VAV2: variants seen among roughly 807,000 people sequenced by gnomAD.
The protein encoded by VAV2 is vav guanine nucleotide exchange factor 2, also known as guanine nucleotide exchange factor VAV2.
VAV2 carries 67 observed loss-of-function variants against 132.5 expected under a neutral mutation model. That is an observed-to-expected ratio of 0.51 (90% CI 0.42 to 0.62). VAV2 has a LOEUF of 0.62. Among genes scored for constraint, VAV2 ranks in the 20% least tolerant of loss-of-function variants. VAV2 has a pLI of 0.00. For missense variants in VAV2, 938 were observed against 1,153.6 expected (o/e 0.81, Z 2.71); for synonymous variants, 492 against 443.5 (o/e 1.11, Z -1.37).
intron 19 of VAV2, among the ~76,000 whole-genome samples, chr9:133,782,796 G>A (rs1407597833): frequency 6.6e-6 from 1 of 152,238 alleles, no homozygotes; most frequent in African/African-American, 2.4e-5. Flanking sequence ...GGCTGATGAT[G>A]GAGGTGACAT....
chr9:133,814,897 C>G (rs1042396269), intron 4 of VAV2, among the ~76,000 whole-genome samples: 6 of 152,244 alleles, frequency 3.9e-5, no homozygotes, highest in African/African-American at 1.4e-4. Context: ...GCCATGGACA[C>G]ACATCCTTCA....
rs367753740 is a variant in VAV2 at position 133,948,530 on chromosome 9, C to G, written c.205-9311G>C. ...GGCCAGATCAGCAGGGCAGGCGGCC[C>G]GCGTGCCCTCAGGAGTGGAGCTCCC... On this transcript the variant is annotated intron_variant, in intron 1 of 29. Transcript: ENST00000371850. 6.0e-4 allele frequency among the ~76,000 whole-genome samples: 91 copies of G among 152,182 alleles called. 1 individual carries two copies. Among genetic ancestry groups the G allele is most frequent in the African/African-American group, 2.0e-3 (85 of 41,482 alleles).
intron 2 of VAV2, among the ~76,000 whole-genome samples, chr9:133,925,070 C>T (rs1307488451): frequency 6.6e-6 from 1 of 152,072 alleles, no homozygotes; most frequent in Admixed American, 6.5e-5. Flanking sequence ...GTGGATGGGG[C>T]AAGAGGAAAT....
At chr9:133,964,025 A>ATGTG (rs200202871) in intron 1 of VAV2, among the ~76,000 whole-genome samples, 1 of 42,700 alleles carries the variant, frequency 2.3e-5, no homozygotes, top group Non-Finnish European at 3.9e-5. Context: ...ATTCATTCAT[A>ATGTG]TATATATATA....
chr9:133,939,379 C>G (rs1044154675), intron 1 of VAV2, 160 bp from the exon 2 acceptor site: 3 of 694,828 alleles, frequency 4.3e-6, no homozygotes, highest in African/African-American at 1.8e-5. Flanking sequence ...AGAGAGATGA[C>G]GAAACCCCCC....
At chr9:133,904,544 G>T (rs72762893) in intron 2 of VAV2, among the ~76,000 whole-genome samples, 2 of 152,244 alleles carry the variant, frequency 1.3e-5, no homozygotes, top group Non-Finnish European at 2.9e-5. Context: ...AACAAAGCAC[G>T]TGTCCAGCCG....
At chr9:133,951,836 T>A (rs1420582696) in intron 1 of VAV2, among the ~76,000 whole-genome samples, 1 of 151,908 alleles carries the variant, frequency 6.6e-6, no homozygotes, top group Non-Finnish European at 1.5e-5. Flanking sequence ...CTGCTTGGAG[T>A]CTTAGGCAGC....
At chr9:133,876,611 C>T (rs1463228126) in intron 2 of VAV2, among the ~76,000 whole-genome samples, 1 of 152,298 alleles carries the variant, frequency 6.6e-6, no homozygotes, top group East Asian at 1.9e-4. Flanking sequence ...CAGGGTCAGG[C>T]TGGTGTTTGA....
Position 133,992,294 on chromosome 9 carries a change from G to A in VAV2, c.-16C>T, listed in dbSNP as rs201778394. On this transcript the variant is annotated 5_prime_UTR_variant, in exon 1 of 30. Transcript: ENST00000371850. This position sits in a 1 kb window ranked among gnomAD's most constrained non-coding sequence, Gnocchi z 5.5. ...ACTGCTCCATGGCGCCCGCGGGCCC[G>A]ACCGGCTCAGGGCAGTGCTCGAGCC... 5.5e-4 allele frequency: 828 copies of A among 1,513,888 alleles called. 9 individuals carry two copies. In the East Asian group the frequency reaches 0.013, roughly 23 times the overall value. 93.8% of individuals were successfully genotyped at this position (1,513,888 alleles called of 1,614,324 possible).
intron 2 of VAV2, among the ~76,000 whole-genome samples, chr9:133,897,799 C>T (rs1258324047): frequency 6.6e-6 from 1 of 152,136 alleles, no homozygotes; most frequent in Non-Finnish European, 1.5e-5. Flanking sequence ...TTAATTAACG[C>T]TGGAGGCAAA....
intron 6 of VAV2, 91 bp from the exon 7 acceptor site, chr9:133,809,229 AAAAG>A: frequency 8.8e-7 from 1 of 1,134,116 alleles, no homozygotes; most frequent in Non-Finnish European, 1.3e-6. Flanking sequence ...ACACCTCCAC[AAAAG>A]AGGACTCCTT....
At chr9:133,922,780 G>A (rs1840341922) in intron 2 of VAV2, among the ~76,000 whole-genome samples, 1 of 152,146 alleles carries the variant, frequency 6.6e-6, no homozygotes. Flanking sequence ...AAAGTTTCAT[G>A]ACATTGGATT....
chr9:133,898,941 C>A (rs370502471), intron 2 of VAV2, among the ~76,000 whole-genome samples: 5 of 151,604 alleles, frequency 3.3e-5, no homozygotes, highest in African/African-American at 9.7e-5. Flanking sequence ...CCTGCCTCAG[C>A]CTCCCCAATA....
Position 133,961,214 on chromosome 9 carries a change from A to G in VAV2, c.205-21995T>C, listed in dbSNP as rs1463162655. ...ATCACTGCAGTCCAACAGAATAGTC[A>G]ACCTTTTGATCTCAGAGGAGTGTCC... On this transcript the variant is annotated intron_variant, in intron 1 of 29. Transcript: ENST00000371850. This position sits in a 1 kb window ranked among gnomAD's most constrained non-coding sequence, Gnocchi z 4.1. Among the ~76,000 whole-genome samples the G allele has an allele frequency of 1.3e-5, 2 of 152,194 alleles. No individual in the cohort carries two copies. Among genetic ancestry groups the G allele is most frequent in the East Asian group, 1.9e-4 (1 of 5,194 alleles).
intron 4 of VAV2, among the ~76,000 whole-genome samples, chr9:133,822,433 A>C (rs913632900): frequency 6.6e-6 from 1 of 152,136 alleles, no homozygotes; most frequent in Non-Finnish European, 1.5e-5. Flanking sequence ...CCTCTGAAGA[A>C]GCCGGCTGGG....
intron 2 of VAV2, among the ~76,000 whole-genome samples, chr9:133,904,699 G>A (rs1839576254): frequency 1.3e-5 from 2 of 152,206 alleles, no homozygotes; most frequent in African/African-American, 4.8e-5. Flanking sequence ...GTGCAGCCAG[G>A]GCTCCGTCCT....
At chr9:133,876,108 T>C (rs969700846) in intron 2 of VAV2, among the ~76,000 whole-genome samples, 1 of 152,242 alleles carries the variant, frequency 6.6e-6, no homozygotes, top group Admixed American at 6.5e-5. Flanking sequence ...GGACTGGAGC[T>C]GCACTACCAG....
chr9:133,982,315 A>G (rs1289970858), intron 1 of VAV2, among the ~76,000 whole-genome samples: 1 of 152,210 alleles, frequency 6.6e-6, no homozygotes. Flanking sequence ...CAAACTGTGC[A>G]TGGCTGCAGC....
chr9:133,847,693 C>G (rs35776936), intron 3 of VAV2, among the ~76,000 whole-genome samples: 18,747 of 152,234 alleles, frequency 0.12, 1,318 homozygotes, highest in South Asian at 0.17. Flanking sequence ...CCCTGGGCTA[C>G]AGGTGACCTC....
Sources: allele counts gnomAD v4.1 joint callset (sites outside exome capture counted in the v4.1 genomes callset), GRCh38; gene constraint gnomAD v4.1.1; non-coding constraint Gnocchi (gnomAD v3.1); transcripts MANE v1.5; gene names NCBI Gene and HGNC (gene_info 2026-07-23, HGNC 2026-07-21).